ZNF385B: variants seen among roughly 807,000 people sequenced by gnomAD.
ZNF385B encodes the protein zinc finger protein 385B.
Under a neutral mutation model 39.2 loss-of-function variants are expected in ZNF385B, and 23 were observed. The ratio of observed to expected loss-of-function variants is 0.59; its 90% CI spans 0.42 to 0.83. The LOEUF is 0.83. Ranked by LOEUF, ZNF385B falls within the 40% of genes least tolerant of loss-of-function variation. ZNF385B has a pLI of 0.00. For synonymous variants in ZNF385B, 205 were observed against 222.6 expected (o/e 0.92, Z 0.70); for missense variants, 552 against 598.9 (o/e 0.92, Z 0.82).
At chr2:179,780,131 G>A (rs1434795805) in intron 1 of ZNF385B, among the ~76,000 whole-genome samples, 1 of 152,072 alleles carries the variant, frequency 6.6e-6, no homozygotes, top group Non-Finnish European at 1.5e-5. Flanking sequence ...TTGAGAGTAG[G>A]TTCTTTTCTA....
chr2:179,696,277 TG>T (rs1303624063), intron 3 of ZNF385B, among the ~76,000 whole-genome samples: 1 of 138,586 alleles, frequency 7.2e-6, no homozygotes, highest in Admixed American at 7.8e-5. Flanking sequence ...TCACTAAATA[TG>T]TTTAAAAAGA....
At chr2:179,514,731 G>A (rs1346677467) in intron 5 of ZNF385B, among the ~76,000 whole-genome samples, 3 of 151,162 alleles carry the variant, frequency 2.0e-5, no homozygotes, top group Non-Finnish European at 2.9e-5. Flanking sequence ...GGAATGACAT[G>A]GAGGTTGGGA....
intron 3 of ZNF385B, among the ~76,000 whole-genome samples, chr2:179,566,000 C>G (rs756101554): frequency 3.8e-4 from 58 of 152,312 alleles, no homozygotes; most frequent in Admixed American, 2.9e-3. Context: ...AGAGACCAGA[C>G]TTAATTTACT....
chr2:179,566,666 A>C (rs1180599479), intron 3 of ZNF385B, among the ~76,000 whole-genome samples: 1 of 152,140 alleles, frequency 6.6e-6, no homozygotes, highest in Non-Finnish European at 1.5e-5. Flanking sequence ...CACATATTTG[A>C]ATTTTTAGAA....
chr2:179,684,692 G>A (rs568905983), intron 3 of ZNF385B, among the ~76,000 whole-genome samples: 5 of 152,150 alleles, frequency 3.3e-5, no homozygotes, highest in African/African-American at 4.8e-5. Context: ...CTAACATCGT[G>A]ACATACCGAA....
intron 6 of ZNF385B, among the ~76,000 whole-genome samples, chr2:179,469,448 G>A (rs1461853883): frequency 6.6e-6 from 1 of 152,128 alleles, no homozygotes; most frequent in Non-Finnish European, 1.5e-5. Context: ...TCTTGTGTGA[G>A]GTCTAAGAAC....
chr2:179,511,122 G>A (rs1191693571), intron 5 of ZNF385B, among the ~76,000 whole-genome samples: 1 of 152,188 alleles, frequency 6.6e-6, no homozygotes, highest in African/African-American at 2.4e-5. Flanking sequence ...GCAGGGACTT[G>A]CTGCCTCATG....
intron 3 of ZNF385B, among the ~76,000 whole-genome samples, chr2:179,761,625 C>CTGGA (rs2106488500): frequency 6.6e-6 from 1 of 151,540 alleles, no homozygotes; most frequent in East Asian, 1.9e-4. Context: ...GTCACGCAGT[C>CTGGA]TGGAGTACAG....
rs563793965 is a variant in ZNF385B at position 179,690,387 on chromosome 2, A to AAGTCTC, written c.298+79110_298+79115dup. 8.5e-5 allele frequency among the ~76,000 whole-genome samples: 13 copies of AAGTCTC among 152,290 alleles called. No individual in the cohort carries two copies. The South Asian group carries it at 2.1e-3, about 24-fold the overall frequency. ...GGACCATTCACGTCTGTGCATACTC[A>AAGTCTC]AGTCTCACAGTTGGCCCTGCAGAAC... On this transcript the variant is annotated intron_variant, in intron 3 of 9. Transcript: ENST00000410066.
intron 1 of ZNF385B, among the ~76,000 whole-genome samples, chr2:179,854,342 T>C (rs1180329864): frequency 6.6e-6 from 1 of 152,182 alleles, no homozygotes; most frequent in Non-Finnish European, 1.5e-5. Context: ...ATTTTTCTAA[T>C]TTATCAGTGA....
intron 1 of ZNF385B, among the ~76,000 whole-genome samples, chr2:179,839,683 C>G (rs1016224714): frequency 1.3e-5 from 2 of 152,146 alleles, no homozygotes; most frequent in African/African-American, 4.8e-5. Flanking sequence ...GAACTATTTA[C>G]AAGCACACAG....
chr2:179,595,874 G>A (rs1023129492), intron 3 of ZNF385B, among the ~76,000 whole-genome samples: 2 of 151,958 alleles, frequency 1.3e-5, no homozygotes, highest in African/African-American at 2.4e-5. Flanking sequence ...AAAATAACTG[G>A]TGAGTTCCTG....
chr2:179,823,896 T>G (rs534259398), intron 1 of ZNF385B, among the ~76,000 whole-genome samples: 1 of 152,220 alleles, frequency 6.6e-6, no homozygotes, highest in Admixed American at 6.5e-5. Flanking sequence ...TTGTTTTTGG[T>G]TGCAAGTAAC....
intron 3 of ZNF385B, among the ~76,000 whole-genome samples, chr2:179,551,387 G>A (rs1358065417): frequency 6.6e-6 from 1 of 151,776 alleles, no homozygotes; most frequent in East Asian, 1.9e-4. Flanking sequence ...GAAAACTGTT[G>A]AAATAGCTGC....
intron 6 of ZNF385B, among the ~76,000 whole-genome samples, chr2:179,449,802 T>A (rs1389297247): frequency 3.3e-5 from 5 of 152,162 alleles, no homozygotes; most frequent in Non-Finnish European, 7.3e-5. Flanking sequence ...AAGTCAATCC[T>A]AAGCCAAAAG....
At chr2:179,562,907 G>A (rs1009924547) in intron 3 of ZNF385B, among the ~76,000 whole-genome samples, 5 of 152,212 alleles carry the variant, frequency 3.3e-5, no homozygotes, top group Admixed American at 6.5e-5. Flanking sequence ...TTTTAAAATT[G>A]CTTTTTATTT....
chr2:179,449,367 A>G (rs1475584327), intron 6 of ZNF385B, among the ~76,000 whole-genome samples: 3 of 152,172 alleles, frequency 2.0e-5, no homozygotes, highest in African/African-American at 7.2e-5. Context: ...GTCTCAGCCC[A>G]AAATCTCCTT....
rs111273556 is a variant in ZNF385B, at chr2:179,698,164, A to T, written c.298+71339T>A. On this transcript the variant is annotated intron_variant, in intron 3 of 9. Coordinates refer to ENST00000410066, the MANE Select transcript of ZNF385B (RefSeq NM_152520.6). ...CCTGCACGTTGTGCACATGTACTGT[A>T]GAACTTAAAGTATAATTAAAAAAAA... Among the ~76,000 whole-genome samples the T allele has an allele frequency of 9.1e-5, 11 of 121,208 alleles. 1 individual carries two copies. The highest frequency in any genetic ancestry group is 4.2e-3 in the Middle Eastern group (1 of 240). 79.5% of individuals were successfully genotyped at this position (121,208 alleles called of 152,430 possible).
At chr2:179,627,272 T>C (rs553253931) in intron 3 of ZNF385B, among the ~76,000 whole-genome samples, 2 of 152,182 alleles carry the variant, frequency 1.3e-5, no homozygotes, top group East Asian at 3.9e-4. Flanking sequence ...ATTTGAAACT[T>C]TGAAACTGCC....
Sources: allele counts gnomAD v4.1 joint callset (sites outside exome capture counted in the v4.1 genomes callset), GRCh38; gene constraint gnomAD v4.1.1; transcripts MANE v1.5; gene names NCBI Gene and HGNC (gene_info 2026-07-23, HGNC 2026-07-21).